ANKAR: variants seen among roughly 807,000 people sequenced by gnomAD.
The protein encoded by ANKAR is ankyrin and armadillo repeat containing, also known as ankyrin and armadillo repeat-containing protein.
Under a neutral mutation model 146.2 loss-of-function variants are expected in ANKAR, and 136 were observed. The ratio of observed to expected loss-of-function variants is 0.93; its 90% CI spans 0.81 to 1.07. The LOEUF is 1.07. ANKAR is among the 50% of genes least tolerant of loss of function. The pLI, the probability that ANKAR is intolerant of heterozygous loss-of-function variation, is 0.00. For missense variants in ANKAR, 1,567 were observed against 1,679.9 expected, an observed-to-expected ratio of 0.93 and a Z score of 1.18; for synonymous variants, 500 against 575.8, an observed-to-expected ratio of 0.87 and a Z score of 1.88.
chr2:189,715,787 C>T (rs867502380), intron 10 of ANKAR, among the ~76,000 whole-genome samples: 93 of 152,082 alleles, frequency 6.1e-4, no homozygotes, highest in Admixed American at 3.5e-3. Flanking sequence ...GTTCAACATA[C>T]GCAAATCAAT....
chr2:189,752,894 C>T, intron 18 of ANKAR: 1 of 1,613,844 alleles, frequency 6.2e-7, no homozygotes, highest in East Asian at 2.2e-5. Flanking sequence ...GGGAGGAGGA[C>T]ACAACAAAGT....
chr2:189,738,488 TA>T, intron 18 of ANKAR, 76 bp from the exon 19 acceptor site: 2 of 846,434 alleles, frequency 2.4e-6, no homozygotes, highest in Non-Finnish European at 1.8e-6. Flanking sequence ...AAAAAAAACA[TA>T]AAAAATGACA....
At chr2:189,680,946 G>A (rs979509378) in intron 2 of ANKAR, among the ~76,000 whole-genome samples, 2 of 152,116 alleles carry the variant, frequency 1.3e-5, no homozygotes, top group Non-Finnish European at 2.9e-5. Context: ...AAGATCTGAG[G>A]TCCACGGAGG....
intron 21 of ANKAR, among the ~76,000 whole-genome samples, chr2:189,743,961 A>G (rs912425327): frequency 2.2e-4 from 34 of 152,334 alleles, no homozygotes; most frequent in African/African-American, 7.9e-4. Flanking sequence ...TTTTGACTCA[A>G]TGTTGTGGTT....
chr2:189,719,594 T>G lies in ANKAR; in HGVS notation c.2247T>G (p.Asn749Lys), dbSNP rs2105780657. 1.9e-6 allele frequency: 3 copies of G among 1,611,338 alleles called. No individual in the cohort carries two copies. The East Asian group carries it at 6.7e-5, about 36-fold the overall frequency. The change falls in exon 11 of 23, where the codon AAT becomes AAG. Residue 749 changes from asparagine (N) to lysine (K), a missense_variant. Transcript: ENST00000684021. ...CAGGCACCATTCCTGCCTTAATCAA[T>G]CTATTAAAAAGTTCCAAAATAAAAC... Reference protein sequence around the residue: ...LDAGTIPALINLLKSSKIKLQ... With the variant: ...LDAGTIPALIKLLKSSKIKLQ...
At chr2:189,732,272 G>T (rs1226777330) in intron 16 of ANKAR, among the ~76,000 whole-genome samples, 1 of 151,914 alleles carries the variant, frequency 6.6e-6, no homozygotes, top group African/African-American at 2.4e-5. Flanking sequence ...TTTCCTAATG[G>T]GCTTCAGAAT....
downstream of ANKAR, among the ~76,000 whole-genome samples, chr2:189,748,907 A>G (rs1173512985): frequency 6.6e-6 from 1 of 151,736 alleles, no homozygotes; most frequent in Non-Finnish European, 1.5e-5. Context: ...CCATCCTACC[A>G]CTCCTAAAAT....
At chr2:189,735,240 G>T (rs1034240964) in intron 17 of ANKAR, among the ~76,000 whole-genome samples, 11 of 151,954 alleles carry the variant, frequency 7.2e-5, no homozygotes, top group African/African-American at 2.7e-4. Flanking sequence ...TCACTCTCTG[G>T]ACCCTGCATT....
At chr2:189,727,696 G>C (rs1167937345) in intron 12 of ANKAR, 160 bp from the exon 13 acceptor site, 1 of 770,754 alleles carries the variant, frequency 1.3e-6, no homozygotes, top group Non-Finnish European at 2.0e-6. Flanking sequence ...TTGTGTTTAG[G>C]TGGTAAATCT....
chr2:189,689,419 C>G, intron 2 of ANKAR, 108 bp from the exon 3 acceptor site: 1 of 931,904 alleles, frequency 1.1e-6, no homozygotes, highest in Non-Finnish European at 1.6e-6. Context: ...CCTTTACTGT[C>G]GTGATAGTAG....
chr2:189,697,260 T>A (rs2037357568), intron 7 of ANKAR, among the ~76,000 whole-genome samples: 1 of 150,884 alleles, frequency 6.6e-6, no homozygotes. Context: ...TAGCCAGGCT[T>A]GGTGGTACAC....
intron 7 of ANKAR, among the ~76,000 whole-genome samples, chr2:189,700,670 C>T (rs913122029): frequency 6.6e-6 from 1 of 152,090 alleles, no homozygotes; most frequent in African/African-American, 2.4e-5. Context: ...ATTAACTATC[C>T]CCACTTCCCC....
chr2:189,683,411 G>A (rs1361554998), intron 2 of ANKAR, among the ~76,000 whole-genome samples: 7 of 152,226 alleles, frequency 4.6e-5, no homozygotes, highest in Non-Finnish European at 8.8e-5. Flanking sequence ...TGGCAGAGAA[G>A]CCTCAGGGCA....
intron 11 of ANKAR, among the ~76,000 whole-genome samples, 168 bp downstream of exon 11, chr2:189,719,981 A>T (rs764881371): frequency 2.0e-5 from 3 of 152,202 alleles, no homozygotes; most frequent in Non-Finnish European, 2.9e-5. Flanking sequence ...AAAAGTTGGC[A>T]TTTGAGTACG....
Position 189,743,265 on chromosome 2 carries a change from C to A in ANKAR, c.3811-10C>A. 2 of 1,609,148 alleles carry A rather than the reference C, an allele frequency of 1.2e-6. No homozygotes were observed. The highest frequency in any genetic ancestry group is 1.7e-6 in the Non-Finnish European group (2 of 1,177,028). On this transcript the variant is annotated splice_polypyrimidine_tract_variant and intron_variant, in intron 20 of 22. Transcript: ENST00000684021. ...CCCACTGGTTAAGAAAGAATTGTTT[C>A]TTCATTTAGGTTCGTGCAGCTTGTT... is the stretch of plus-strand genomic sequence containing the variant.
intron 2 of ANKAR, among the ~76,000 whole-genome samples, chr2:189,682,658 C>G (rs978567683): frequency 4.6e-5 from 7 of 152,136 alleles, no homozygotes; most frequent in African/African-American, 1.7e-4. Context: ...GATACAATAG[C>G]AAGATGTTTT....
chr2:189,703,949 G>C (rs2038457358), intron 7 of ANKAR, among the ~76,000 whole-genome samples: 1 of 152,170 alleles, frequency 6.6e-6, no homozygotes, highest in South Asian at 2.1e-4. Context: ...TCATGATCCA[G>C]TTACCTCTCT....
intron 18 of ANKAR, among the ~76,000 whole-genome samples, chr2:189,757,264 T>C (rs1038964882): frequency 2.0e-5 from 3 of 152,206 alleles, no homozygotes; most frequent in East Asian, 1.9e-4. Flanking sequence ...GGATTTACTA[T>C]GAATGGATGA....
intron 7 of ANKAR, among the ~76,000 whole-genome samples, chr2:189,704,220 C>A (rs1318416488): frequency 1.3e-5 from 2 of 151,314 alleles, no homozygotes; most frequent in Admixed American, 1.3e-4. Context: ...CTGCTCACTA[C>A]AACCTCCGCC....
Sources: gnomAD v4.1 joint callset for allele counts (sites outside exome capture counted in the v4.1 genomes callset) on GRCh38, gnomAD v4.1.1 for gene constraint, MANE v1.5 for transcripts, NCBI Gene and HGNC (gene_info 2026-07-23, HGNC 2026-07-21) for gene names.